Variants in SLC1A6 observed in about 807,000 individuals in gnomAD.
SLC1A6 encodes solute carrier family 1 member 6, also known as excitatory amino acid transporter 4.
SLC1A6 carries 15 observed loss-of-function variants against 42.1 expected under a neutral mutation model. That is an observed-to-expected ratio of 0.36 (90% CI 0.24 to 0.55). The LOEUF is 0.55. SLC1A6 is among the 20% of genes least tolerant of loss of function. The pLI is 0.88. For missense variants in SLC1A6, 542 were observed against 772.5 expected (o/e 0.70, Z 3.54); for synonymous variants, 317 against 319.7 (o/e 0.99, Z 0.09).
chr19:14,972,766 C>A lies in SLC1A6; in HGVS notation c.145G>T (p.Val49Leu). 1.2e-6 allele frequency: 2 copies of A among 1,613,992 alleles called. No homozygotes were observed. The highest frequency in any genetic ancestry group is 1.7e-6 in the Non-Finnish European group (2 of 1,180,018). The change falls in exon 2 of 10, where the codon GTG becomes TTG. Residue 49 changes from valine (V) to leucine (L), a missense_variant. By Grantham distance (32) the Val-to-Leu change is conservative. Around this residue, in one of 6 missense-constraint regions of SLC1A6, gnomAD observed 88 missense variants for 85.5 expected, o/e 1.03. Coordinates refer to ENST00000594383, the MANE Select transcript of SLC1A6 (RefSeq NM_005071.3). Reference sequence around the variant, plus strand: ...GCGTTTCGGCGCAGGAAGCGCAGCACGTGCTCGAGGGTCATGGTCTGCAGG... The same window carrying A: ...GCGTTTCGGCGCAGGAAGCGCAGCAAGTGCTCGAGGGTCATGGTCTGCAGG... ...LRLQTMTLEH[V>L]LRFLRRNAFI...
chr19:14,961,523 T>C (rs1322662679), intron 6 of SLC1A6: 1 of 156,544 alleles, frequency 6.4e-6, no homozygotes, highest in Non-Finnish European at 1.4e-5. Context: ...GAACAAATCA[T>C]TGCAGAAAAG....
chr19:14,972,397 T>C (rs1169636741), intron 2 of SLC1A6, among the ~76,000 whole-genome samples: 1 of 152,194 alleles, frequency 6.6e-6, no homozygotes, highest in African/African-American at 2.4e-5. Flanking sequence ...TTTGCACCTA[T>C]AAGTTCAATG....
chr19:14,998,636 T>G (rs1454882593), intron 1 of SLC1A6, among the ~76,000 whole-genome samples: 1 of 152,166 alleles, frequency 6.6e-6, no homozygotes. Flanking sequence ...TCCAAATTAC[T>G]TTAGTATAGC....
At chr19:14,969,253 C>G (rs988778432) in intron 3 of SLC1A6, among the ~76,000 whole-genome samples, 1 of 152,242 alleles carries the variant, frequency 6.6e-6, no homozygotes, top group African/African-American at 2.4e-5. Flanking sequence ...TGCTCCACTC[C>G]TACACCCTTT....
Position 14,972,733 on chromosome 19 carries a change from G to C in SLC1A6, c.178C>G (p.Leu60Val). Residue 60 changes from leucine (L) to valine (V), a missense_variant, in exon 2 of 10, where the codon CTG (leucine) becomes GTG (valine). By Grantham distance (32) the Leu-to-Val change is conservative (BLOSUM62 1). Around this residue, in one of 6 missense-constraint regions of SLC1A6, gnomAD observed 88 missense variants for 85.5 expected, o/e 1.03. Transcript: ENST00000594383. Reference protein sequence around the residue: ...LRFLRRNAFILLTVSAVVIGV... With the variant: ...LRFLRRNAFIVLTVSAVVIGV... ...ATGACCACGGCGCTGACCGTCAGCA[G>C]AATGAAGGCGTTTCGGCGCAGGAAG... The C allele has an allele frequency of 1.9e-6, 3 of 1,614,070 alleles. No homozygotes were observed. Among genetic ancestry groups the C allele is most frequent in the Non-Finnish European group, 2.5e-6 (3 of 1,180,038 alleles).
At chr19:14,957,368 C>T (rs1229845408) in intron 6 of SLC1A6, among the ~76,000 whole-genome samples, 7 of 152,170 alleles carry the variant, frequency 4.6e-5, no homozygotes, top group Non-Finnish European at 8.8e-5. Context: ...CAACCAAATT[C>T]ATATCTTGAG....
intron 2 of SLC1A6, 33 bp downstream of exon 2, chr19:14,972,673 T>TCCCCGCCTTTCCCC (rs770343821): frequency 1.9e-6 from 3 of 1,593,776 alleles, no homozygotes; most frequent in Middle Eastern, 1.7e-4. Context: ...CGCCTTTCCC[T>TCCCCGCCTTTCCCC]GAAGTCCCCG....
At chr19:14,972,674 G>T (rs1326763886) in intron 2 of SLC1A6, 32 bp downstream of exon 2, 5 of 1,595,626 alleles carry the variant, frequency 3.1e-6, no homozygotes, top group Non-Finnish European at 4.3e-6. Flanking sequence ...GCCTTTCCCT[G>T]AAGTCCCCGC....
chr19:14,961,971 C>T (rs976630795), intron 6 of SLC1A6, 31 bp downstream of exon 6: 31 of 1,575,222 alleles, frequency 2.0e-5, no homozygotes, highest in African/African-American at 2.7e-5. Context: ...GCTCTGGCTC[C>T]ACCATCCCGT....
At chr19:14,980,344 ATAT>A (rs2045759315), upstream of SLC1A6, 1 of 152,212 alleles carries the variant, frequency 6.6e-6, no homozygotes, top group Admixed American at 6.5e-5. Flanking sequence ...ATTGTAATTA[ATAT>A]TATTCTTTGC....
Position 14,962,014 on chromosome 19 carries a change from C to T in SLC1A6, c.923G>A (p.Gly308Asp), listed in dbSNP as rs1307098275. 1.2e-6 allele frequency: 2 copies of T among 1,612,858 alleles called. No homozygotes were observed. The highest frequency in any genetic ancestry group is 2.2e-5 in the East Asian group (1 of 44,876). Residue 308 changes from glycine to aspartate, a missense_variant, in exon 6 of 10, where the codon GGC becomes GAC. By Grantham distance (94) the Gly-to-Asp change is moderately conservative. Coordinates refer to ENST00000594383, the MANE Select transcript of SLC1A6 (RefSeq NM_005071.3). ...GACCAGGACTCACCAGATAATGATG[C>T]CCACCAGCCTCATAATAGCCTCATT... The part of the protein sequence containing the change: ...SLNEAIMRLV[G>D]IIIWYAPVGI...
At position 14,972,779 on chromosome 19, in the gene SLC1A6, C is replaced by T. The variant is rs151332240; in HGVS notation, c.132G>A (p.Met44Ile). The part of the protein sequence containing the change: ...ALRTRLRLQT[M>I]TLEHVLRFLR... ...GGAAGCGCAGCACGTGCTCGAGGGT[C>T]ATGGTCTGCAGGCGCAGGCGCGTGC... Residue 44 changes from methionine (M) to isoleucine (I), a missense_variant, in exon 2 of 10, where the codon ATG becomes ATA. By Grantham distance (10) the Met-to-Ile change is conservative. Around this residue, in one of 6 missense-constraint regions of SLC1A6, gnomAD observed 88 missense variants for 85.5 expected, o/e 1.03. Coordinates refer to ENST00000594383, the MANE Select transcript of SLC1A6 (RefSeq NM_005071.3). The T allele has an allele frequency of 1.6e-5, 26 of 1,613,758 alleles. No individual in the cohort carries two copies. The highest frequency in any genetic ancestry group is 2.2e-5 in the Non-Finnish European group (26 of 1,180,000).
chr19:14,964,313 C>T lies in SLC1A6; in HGVS notation c.591+6G>A. ...TCCTTGATCAAACTGTGTACTTCCCCCTGACCTGTTTGAAGCAGGCCTCCA... is the reference window on the plus strand; with the variant it reads ...TCCTTGATCAAACTGTGTACTTCCCTCTGACCTGTTTGAAGCAGGCCTCCA... On this transcript the variant is annotated splice_donor_region_variant and intron_variant, in intron 5 of 9. Transcript: ENST00000594383. 2 of 1,613,074 alleles carry T rather than the reference C, an allele frequency of 1.2e-6. No individual in the cohort carries two copies. Among genetic ancestry groups the T allele is most frequent in the Non-Finnish European group, 1.7e-6 (2 of 1,179,104 alleles).
At chr19:14,985,889 T>C (rs1485032175) in intron 1 of SLC1A6, among the ~76,000 whole-genome samples, 1 of 149,770 alleles carries the variant, frequency 6.7e-6, no homozygotes, top group Non-Finnish European at 1.5e-5. Flanking sequence ...ACCCAGGAGG[T>C]GGAGGTTGCA....
rs1241168105 is a variant in SLC1A6 at position 14,955,445 on chromosome 19, CTTAGCCGGGAGGGCTAAAAAA to C, written c.1169+1010_1169+1030del. On this transcript the variant is annotated intron_variant, in intron 7 of 9. Coordinates refer to ENST00000594383, the MANE Select transcript of SLC1A6 (RefSeq NM_005071.3). Reference sequence around the variant, plus strand: ...AAAACAACAACAACAACAAAAAAAACTTAGCCGGGAGGGCTAAAAAATTAGCCGGGAGGACTGGAATCAGGC... The same window carrying C: ...AAAACAACAACAACAACAAAAAAAACTTAGCCGGGAGGACTGGAATCAGGC... Among the ~76,000 whole-genome samples the C allele has an allele frequency of 7.9e-4, 118 of 149,930 alleles. 1 individual carries two copies. Among genetic ancestry groups the C allele is most frequent in the African/African-American group, 2.8e-3 (112 of 40,316 alleles).
chr19:15,007,489 G>A (rs140399466), intron 1 of SLC1A6, among the ~76,000 whole-genome samples: 201 of 152,164 alleles, frequency 1.3e-3, no homozygotes, highest in African/African-American at 4.4e-3. Context: ...CACTGTGAAG[G>A]TGTTAATGCC....
chr19:14,956,565 G>T lies in SLC1A6; in HGVS notation c.1080C>A (p.Leu360=), dbSNP rs979278761. The T allele has an allele frequency of 1.2e-6, 2 of 1,613,804 alleles. No individual in the cohort carries two copies. Among genetic ancestry groups the T allele is most frequent in the African/African-American group, 2.7e-5 (2 of 74,990 alleles). ...LFLHAGIVLP[L]IYFLVTHRNP... ...TCCGGTGAGTGACGAGGAAGTAGAT[G>T]AGGGGAAGGACAATGCCGGCATGGA... is the stretch of plus-strand genomic sequence containing the variant. The change falls in exon 7 of 10, where the codon CTC becomes CTA. Residue 360 remains leucine (L), a synonymous_variant. Transcript: ENST00000594383.
At position 14,971,635 on chromosome 19, in the gene SLC1A6, G is replaced by A. The variant is rs151092405; in HGVS notation, c.343+102C>T. The A allele has an allele frequency of 7.5e-5, 86 of 1,150,356 alleles. No homozygotes were observed. The Middle Eastern group carries it at 1.2e-3, about 16-fold the overall frequency. 71.3% of individuals were successfully genotyped at this position (1,150,356 alleles called of 1,614,324 possible). A position where few individuals can be genotyped will look rare whatever the true frequency, so the allele number is the denominator to read the frequency against. ...ACACAGGCTCCATGTTTGAGGTGCC[G>A]CGTCAAGGAAGTGGTCCCATGCTTG... is the stretch of plus-strand genomic sequence containing the variant. On this transcript the variant is annotated intron_variant, in intron 3 of 9. Coordinates refer to ENST00000594383, the MANE Select transcript of SLC1A6 (RefSeq NM_005071.3).
At chr19:15,009,239 T>G (rs572974058) in intron 1 of SLC1A6, among the ~76,000 whole-genome samples, 2 of 134,370 alleles carry the variant, frequency 1.5e-5, no homozygotes, top group South Asian at 4.5e-4. Context: ...ATATGCTATC[T>G]AAATAGCATA....
Sources: allele counts gnomAD v4.1 joint callset (sites outside exome capture counted in the v4.1 genomes callset), GRCh38; gene constraint gnomAD v4.1.1; regional missense constraint gnomAD v4.1.1; transcripts MANE v1.5; gene names NCBI Gene and HGNC (gene_info 2026-07-23, HGNC 2026-07-21).